Variants in ACSBG2 observed in about 807,000 individuals in gnomAD.
ACSBG2 encodes long-chain-fatty-acid--CoA ligase ACSBG2.
ACSBG2 carries 62 observed loss-of-function variants against 74.7 expected under a neutral mutation model. That is an observed-to-expected ratio of 0.83 (90% CI 0.68 to 1.03). The LOEUF is 1.03. Ranked by LOEUF, ACSBG2 falls within the 50% of genes least tolerant of loss-of-function variation. The pLI is 0.00. For synonymous variants in ACSBG2, 309 were observed against 294.1 expected, an observed-to-expected ratio of 1.05 and a Z score of -0.52; for missense variants, 730 against 817.6, an observed-to-expected ratio of 0.89 and a Z score of 1.31.
intron 3 of ACSBG2, among the ~76,000 whole-genome samples, chr19:6,150,244 C>G (rs1352755882): frequency 1.3e-5 from 2 of 151,196 alleles, no homozygotes; most frequent in Non-Finnish European, 2.9e-5. Flanking sequence ...TAAAATGGTG[C>G]CGCCACTGTG....
intron 2 of ACSBG2, among the ~76,000 whole-genome samples, chr19:6,143,759 T>C (rs2088930495): frequency 6.6e-6 from 1 of 152,150 alleles, no homozygotes; most frequent in Non-Finnish European, 1.5e-5. Context: ...GGTTTCTTTG[T>C]GAGCTGGTGC....
At position 6,166,015 on chromosome 19, in the gene ACSBG2, C is replaced by T. The variant is rs560299046; in HGVS notation, c.738C>T (p.Asn246=). The part of the protein sequence containing the change: ...IPKGVMLSHD[N]ITWIAGAVTK... ...AGGGAGTGATGCTCAGTCATGACAA[C>T]GTACGCCAAAGTCCCTTTGCTCTGG... The change falls in exon 7 of 15, where the codon AAC becomes AAT. Residue 246 remains asparagine (N), a splice_region_variant and synonymous_variant. Coordinates refer to ENST00000588485, the MANE Select transcript of ACSBG2 (RefSeq NM_030924.5). 10 of 1,613,796 alleles carry T rather than the reference C, an allele frequency of 6.2e-6. No homozygotes were observed. In the East Asian group the frequency reaches 8.9e-5, roughly 14 times the overall value.
At chr19:6,190,441 A>G in intron 13 of ACSBG2, 143 bp from the exon 14 acceptor site, 1 of 657,302 alleles carries the variant, frequency 1.5e-6, no homozygotes, top group South Asian at 1.7e-5. Context: ...TACAGATGGC[A>G]AAAGTTACAC....
At chr19:6,179,093 A>G (rs2090170087) in intron 8 of ACSBG2, among the ~76,000 whole-genome samples, 1 of 152,176 alleles carries the variant, frequency 6.6e-6, no homozygotes, top group Non-Finnish European at 1.5e-5. Flanking sequence ...GTGGGCCACT[A>G]GAGATCTGAT....
At chr19:6,144,893 ACTATGTTGGC>A (rs2088972580) in intron 2 of ACSBG2, among the ~76,000 whole-genome samples, 1 of 151,930 alleles carries the variant, frequency 6.6e-6, no homozygotes, top group African/African-American at 2.4e-5. Flanking sequence ...ACGAGGTTTC[ACTATGTTGGC>A]CAGGCTGGTC....
At chr19:6,141,142 T>G (rs1369610803) in intron 1 of ACSBG2, among the ~76,000 whole-genome samples, 1 of 152,218 alleles carries the variant, frequency 6.6e-6, no homozygotes, top group African/African-American at 2.4e-5. Context: ...CTGTTTCTCC[T>G]TTAGGCCCTT....
chr19:6,183,330 AG>A, intron 10 of ACSBG2, 58 bp downstream of exon 10: 1 of 1,489,332 alleles, frequency 6.7e-7, no homozygotes, highest in Non-Finnish European at 9.3e-7. Flanking sequence ...AAGAGGGGGA[AG>A]GTGGGTGGAT....
chr19:6,140,549 G>A (rs987469176), intron 1 of ACSBG2, among the ~76,000 whole-genome samples: 2 of 151,978 alleles, frequency 1.3e-5, no homozygotes, highest in Admixed American at 6.6e-5. Flanking sequence ...AGCTGGGTAC[G>A]GTGGCCTGTA....
chr19:6,167,914 C>T (rs989565551), intron 7 of ACSBG2, among the ~76,000 whole-genome samples: 2 of 152,180 alleles, frequency 1.3e-5, no homozygotes, highest in African/African-American at 2.4e-5. Flanking sequence ...CATCGCTCCC[C>T]TGGACCTGTG....
At chr19:6,142,424 ACC>A (rs2088876385) in intron 2 of ACSBG2, among the ~76,000 whole-genome samples, 6 of 152,008 alleles carry the variant, frequency 3.9e-5, no homozygotes, top group African/African-American at 9.7e-5. Context: ...GGCTCTTGAC[ACC>A]ATCGAGAGTG....
chr19:6,189,050 G>T (rs904858833), intron 13 of ACSBG2, among the ~76,000 whole-genome samples: 1 of 152,164 alleles, frequency 6.6e-6, no homozygotes, highest in African/African-American at 2.4e-5. Context: ...AGCTAGCTAT[G>T]AGGAAGGGGT....
intron 7 of ACSBG2, 46 bp from the exon 8 acceptor site, chr19:6,177,183 C>T (rs190436421): frequency 2.5e-6 from 4 of 1,591,564 alleles, no homozygotes; most frequent in African/African-American, 1.4e-5. Context: ...AATAAAATGG[C>T]CCTTCTATGA....
intron 5 of ACSBG2, among the ~76,000 whole-genome samples, chr19:6,156,828 G>C (rs1006764691): frequency 6.6e-6 from 1 of 150,452 alleles, no homozygotes; most frequent in African/African-American, 2.5e-5. Context: ...TCTGTCCCCA[G>C]GCTGGAGTGC....
intron 3 of ACSBG2, among the ~76,000 whole-genome samples, chr19:6,149,288 C>T (rs781392883): frequency 5.8e-4 from 88 of 152,194 alleles, no homozygotes; most frequent in Middle Eastern, 3.4e-3. Context: ...TTCTGAAGGA[C>T]CAGCAGGCAA....
intron 14 of ACSBG2, 114 bp downstream of exon 14, chr19:6,190,806 C>CATAT: frequency 1.9e-6 from 1 of 526,676 alleles, no homozygotes; most frequent in Non-Finnish European, 3.4e-6. Context: ...CACATACACA[C>CATAT]ATACATACAC....
chr19:6,177,177 A>G, intron 7 of ACSBG2, 52 bp from the exon 8 acceptor site: 1 of 1,588,554 alleles, frequency 6.3e-7, no homozygotes, highest in South Asian at 1.1e-5. Flanking sequence ...TTTAAAAATA[A>G]AATGGCCCTT....
At chr19:6,140,354 C>T (rs1432146659) in intron 1 of ACSBG2, among the ~76,000 whole-genome samples, 2 of 152,212 alleles carry the variant, frequency 1.3e-5, no homozygotes, top group Non-Finnish European at 1.5e-5. Context: ...AGGGTAGCCC[C>T]GGAATCCTGT....
chr19:6,176,012 T>C (rs943951744), intron 7 of ACSBG2: 4 of 218,928 alleles, frequency 1.8e-5, no homozygotes, highest in African/African-American at 9.2e-5. Flanking sequence ...TGAATCCAGT[T>C]TTCTGAGTTC....
Position 6,163,735 on chromosome 19 carries a change from A to G in ACSBG2, c.589-2131A>G, listed in dbSNP as rs111409364. 2.6e-3 allele frequency among the ~76,000 whole-genome samples: 395 copies of G among 150,126 alleles called. 3 individuals are homozygous for G. The highest frequency in any genetic ancestry group is 9.3e-3 in the African/African-American group (379 of 40,836). ...ACGCCACTGCACTCCAGCCTGGGCG[A>G]CAGAGCAAGACTCTGTCTCCAAATA... On this transcript the variant is annotated intron_variant, in intron 6 of 14. Coordinates refer to ENST00000588485, the MANE Select transcript of ACSBG2 (RefSeq NM_030924.5).
Sources: gnomAD v4.1 joint callset for allele counts (sites outside exome capture counted in the v4.1 genomes callset) on GRCh38, gnomAD v4.1.1 for gene constraint, MANE v1.5 for transcripts, NCBI Gene and HGNC (gene_info 2026-07-23, HGNC 2026-07-21) for gene names.